The following MEGF6 variants were observed in gnomAD, a reference collection of about 807,000 sequenced individuals.
MEGF6 encodes multiple epidermal growth factor-like domains protein 6.
Under a neutral mutation model 207.1 loss-of-function variants are expected in MEGF6, and 184 were observed. The observed-to-expected ratio is 0.89, with a 90% CI of 0.79 to 1.00. The LOEUF (loss-of-function observed/expected upper bound fraction) is 1.00. Ranked by LOEUF, MEGF6 falls within the 50% of genes least tolerant of loss-of-function variation. The pLI is 0.00. For missense variants in MEGF6, 2,282 were observed against 2,202.9 expected (o/e 1.04, Z -0.72); for synonymous variants, 1,038 against 910.0 (o/e 1.14, Z -2.53).
intron 3 of MEGF6, among the ~76,000 whole-genome samples, chr1:3,591,085 CA>C (rs889490198): frequency 3.9e-5 from 6 of 152,146 alleles, no homozygotes; most frequent in African/African-American, 1.4e-4. Context: ...TGAGGGGCTC[CA>C]GCACCTGCAG....
chr1:3,499,487 G>A (rs1640757785), intron 23 of MEGF6, 101 bp downstream of exon 23: 4 of 1,495,052 alleles, frequency 2.7e-6, no homozygotes, highest in Non-Finnish European at 3.6e-6. Flanking sequence ...GGGTTGCCTG[G>A]TAGCTTCAGA....
At position 3,498,369 on chromosome 1, in the gene MEGF6, A is replaced by G. The variant is rs1441097723; in HGVS notation, c.3352+2T>C. On this transcript the variant is annotated splice_donor_variant, in intron 26 of 36. Coordinates refer to ENST00000356575, the MANE Select transcript of MEGF6 (RefSeq NM_001409.4). LOFTEE classifies it high-confidence loss of function. The stretch of plus-strand genomic sequence containing the variant: ...ACCCCCCTGCTGCCCCGCCCCACTC[A>G]CGGCTCTGACACTTGTCCCCAGTCC... 1 of 1,599,770 alleles carries G rather than the reference A, an allele frequency of 6.3e-7. No individual in the cohort carries two copies. Among genetic ancestry groups the G allele is most frequent in the Non-Finnish European group, 8.5e-7 (1 of 1,176,750 alleles).
the MEGF6 span, among the ~76,000 whole-genome samples, chr1:3,620,238 A>G: frequency 2.0e-5 from 3 of 152,242 alleles, no homozygotes; most frequent in Non-Finnish European, 4.4e-5. Context: ...TTTAAAAGCA[A>G]AGCAGGACAT....
At position 3,602,489 on chromosome 1, in the gene MEGF6, C is replaced by G. The variant is rs558832713; in HGVS notation, c.243G>C (p.Ala81=). The change falls in exon 2 of 37, where the codon GCG becomes GCC. Residue 81 remains alanine, a synonymous_variant. Coordinates refer to ENST00000356575, the MANE Select transcript of MEGF6 (RefSeq NM_001409.4). ...ACCTCCGCTCATGACCCACGCACCA[C>G]GCCTGCCACCCACAGCCGGCCTTCC... ...PVWKAGCGWQ[A]WCVGHERRTV... is the part of the protein sequence containing the mutation. 1 of 1,613,374 alleles carries G rather than the reference C, an allele frequency of 6.2e-7. No homozygotes were observed. The highest frequency in any genetic ancestry group is 1.1e-5 in the South Asian group (1 of 91,088).
chr1:3,549,903 A>G (rs369525624), intron 4 of MEGF6, among the ~76,000 whole-genome samples: 165 of 152,286 alleles, frequency 1.1e-3, no homozygotes, highest in African/African-American at 3.8e-3. Context: ...GGGCGGTCGA[A>G]GGTCAGAACC....
At chr1:3,581,005 G>A (rs1360842976) in intron 3 of MEGF6, among the ~76,000 whole-genome samples, 1 of 152,140 alleles carries the variant, frequency 6.6e-6, no homozygotes, top group East Asian at 1.9e-4. Flanking sequence ...CAGCTGAGAG[G>A]AAGAAGGACA....
intron 23 of MEGF6, 109 bp from the exon 24 acceptor site, chr1:3,499,375 G>T: frequency 6.9e-7 from 1 of 1,446,044 alleles, no homozygotes; most frequent in Non-Finnish European, 9.2e-7. Context: ...GGCTGCTATG[G>T]CCAACTCTCC....
intron 21 of MEGF6, among the ~76,000 whole-genome samples, chr1:3,500,379 G>T (rs1253455910): frequency 6.6e-6 from 1 of 152,266 alleles, no homozygotes; most frequent in Non-Finnish European, 1.5e-5. Context: ...TCCAGGCTGC[G>T]AAGCAGAGCA....
chr1:3,566,850 C>T (rs1185993570), intron 4 of MEGF6, among the ~76,000 whole-genome samples: 1 of 152,200 alleles, frequency 6.6e-6, no homozygotes, highest in Admixed American at 6.5e-5. Flanking sequence ...ACTCAGGAGG[C>T]AGCAGTGCCT....
intron 3 of MEGF6, among the ~76,000 whole-genome samples, chr1:3,583,888 G>GCCACCAGACAACGCA (rs1643862314): frequency 3.3e-5 from 3 of 91,494 alleles, no homozygotes; most frequent in African/African-American, 1.3e-4. Flanking sequence ...CAGACAACGC[G>GCCACCAGACAACGCA]CAGCCACCAG....
chr1:3,536,591 C>T (rs1244051450), intron 4 of MEGF6, among the ~76,000 whole-genome samples: 2 of 152,204 alleles, frequency 1.3e-5, no homozygotes. Flanking sequence ...GAGCACGTCC[C>T]AGCCGGAGAA....
intron 36 of MEGF6, 84 bp downstream of exon 36, chr1:3,490,828 C>T (rs1027072030): frequency 6.7e-7 from 1 of 1,499,158 alleles, no homozygotes; most frequent in Non-Finnish European, 9.1e-7. Flanking sequence ...CCTGTGGGGC[C>T]CAGATTATAC....
intron 18 of MEGF6, 129 bp from the exon 19 acceptor site, chr1:3,501,437 C>T (rs1044083931): frequency 4.0e-5 from 55 of 1,367,844 alleles, no homozygotes; most frequent in Middle Eastern, 1.9e-4. Context: ...CAGCCTGCCC[C>T]GGGGAGGGGA....
At chr1:3,525,328 G>GC (rs1266160450) in intron 4 of MEGF6, among the ~76,000 whole-genome samples, 1 of 152,216 alleles carries the variant, frequency 6.6e-6, no homozygotes. Flanking sequence ...CCACTCAAAG[G>GC]CGGTAGAGGG....
In MEGF6 at chr1:3,594,604, A is replaced by G. The variant is rs1293286012; in HGVS notation, c.376+734T>C. On this transcript the variant is annotated intron_variant, in intron 3 of 36. Transcript: ENST00000356575. The surrounding 1 kb of genome is among the most constrained non-coding windows in gnomAD (Gnocchi z 4.2). ...CTGGACTGACCCCTCCCAGGGAGGG[A>G]CACTGACCCCTTTGCCCAGGCGGTT... Among the ~76,000 whole-genome samples the G allele has an allele frequency of 6.6e-6, 1 of 151,964 alleles. No homozygotes were observed. Among genetic ancestry groups the G allele is most frequent in the Non-Finnish European group, 1.5e-5 (1 of 67,988 alleles).
intron 4 of MEGF6, among the ~76,000 whole-genome samples, chr1:3,564,894 C>T (rs959256239): frequency 1.3e-5 from 2 of 152,252 alleles, no homozygotes; most frequent in Non-Finnish European, 2.9e-5. Context: ...CCGCTCTGGC[C>T]GAGGCATTTT....
Position 3,611,470 on chromosome 1 carries a change from C to A in MEGF6, c.-202G>T. On this transcript the variant is annotated 5_prime_UTR_variant, in exon 1 of 37. Transcript: ENST00000356575. ...CACCGCGGAGACCTGATCGCCGGGT[C>A]CACCCTGCAGGAACTCGCCCCGGCG... 1 of 652,818 alleles carries A rather than the reference C, an allele frequency of 1.5e-6. No homozygotes were observed. The highest frequency in any genetic ancestry group is 2.3e-6 in the Non-Finnish European group (1 of 439,370). The allele number at this position is 652,818 out of a possible 1,614,324, so 40.4% of individuals were successfully genotyped here. A position where few individuals can be genotyped will look rare whatever the true frequency, so the allele number is the denominator to read the frequency against.
intron 2 of MEGF6, among the ~76,000 whole-genome samples, chr1:3,597,740 A>G (rs948867671): frequency 3.9e-5 from 6 of 152,142 alleles, no homozygotes; most frequent in Non-Finnish European, 8.8e-5. Context: ...ACGCCCCCTC[A>G]GAGCCCCTGC....
At chr1:3,523,964 G>T (rs1328673299) in intron 5 of MEGF6, among the ~76,000 whole-genome samples, 160 bp downstream of exon 5, 1 of 152,230 alleles carries the variant, frequency 6.6e-6, no homozygotes, top group East Asian at 1.9e-4. Flanking sequence ...GGTGCGGGCA[G>T]GATTCCATAG....
Sources: allele counts gnomAD v4.1 joint callset (sites outside exome capture counted in the v4.1 genomes callset), GRCh38; gene constraint gnomAD v4.1.1; non-coding constraint Gnocchi (gnomAD v3.1); transcripts MANE v1.5; gene names NCBI Gene and HGNC (gene_info 2026-07-23, HGNC 2026-07-21).